Variants in WDR70 observed in about 807,000 individuals in gnomAD.
WDR70 encodes WD repeat domain 70.
Under a neutral mutation model 88.6 loss-of-function variants are expected in WDR70, and 53 were observed. The observed-to-expected ratio is 0.60, with a 90% CI of 0.48 to 0.75. The LOEUF (loss-of-function observed/expected upper bound fraction) is 0.75. Among genes scored for constraint, WDR70 ranks in the 30% least tolerant of loss-of-function variants. The pLI is 0.00. For missense variants in WDR70, 610 were observed against 823.2 expected (o/e 0.74, Z 3.17); for synonymous variants, 280 against 270.0 (o/e 1.04, Z -0.36).
intron 10 of WDR70, among the ~76,000 whole-genome samples, chr5:37,689,195 G>T (rs1672798477): frequency 6.6e-6 from 1 of 152,226 alleles, no homozygotes; most frequent in Admixed American, 6.5e-5. Context: ...GCTTGAACTG[G>T]GTGGAGCCCA....
At chr5:37,582,373 C>T (rs1323338304) in intron 9 of WDR70, among the ~76,000 whole-genome samples, 4 of 152,180 alleles carry the variant, frequency 2.6e-5, no homozygotes, top group South Asian at 2.1e-4. Flanking sequence ...GAATACTTTT[C>T]GAAGTCCCTG....
intron 5 of WDR70, among the ~76,000 whole-genome samples, chr5:37,411,744 T>G (rs556299312): frequency 1.1e-4 from 17 of 152,202 alleles, no homozygotes; most frequent in Admixed American, 5.2e-4. Flanking sequence ...AAAAACAATT[T>G]GATAGCTCTA....
chr5:37,437,454 T>C lies in WDR70; in HGVS notation c.493-468T>C, dbSNP rs376515107. On this transcript the variant is annotated intron_variant, in intron 5 of 17. Coordinates refer to ENST00000265107, the MANE Select transcript of WDR70 (RefSeq NM_018034.4). ...TTAGGAAAATCTGTAATTATTATTT[T>C]ATACATAGGTTACAATATGCTTAAA... Among the ~76,000 whole-genome samples, 122 of 152,276 alleles carry C rather than the reference T, an allele frequency of 8.0e-4. 1 individual carries two copies. In the South Asian group the frequency reaches 0.025, roughly 31 times the overall value.
rs138187280 is a variant in WDR70, at chr5:37,694,639, C to T, written c.1093-3016C>T. ...CATGTTCTCACTCATAGGTGGGAAT[C>T]GAACAATGAGAACATGTAGACACAG... On this transcript the variant is annotated intron_variant, in intron 10 of 17. Coordinates refer to ENST00000265107, the MANE Select transcript of WDR70 (RefSeq NM_018034.4). Among the ~76,000 whole-genome samples the T allele has an allele frequency of 7.9e-4, 119 of 151,496 alleles. 3 individuals carry two copies. The East Asian group carries it at 0.022, about 28-fold the overall frequency.
chr5:37,676,157 A>G lies in WDR70; in HGVS notation c.1093-21498A>G, dbSNP rs1273160293. Among the ~76,000 whole-genome samples, 15 of 151,134 alleles carry G rather than the reference A, an allele frequency of 9.9e-5. No individual in the cohort carries two copies. In the East Asian group the frequency reaches 2.9e-3, roughly 29 times the overall value. ...GGGCTGAGACAATGGGGTTTTCTAA[A>G]TATACAATCATGTCATCTGCAAACA... On this transcript the variant is annotated intron_variant, in intron 10 of 17. Coordinates refer to ENST00000265107, the MANE Select transcript of WDR70 (RefSeq NM_018034.4).
At chr5:37,616,412 T>C (rs776548530) in intron 10 of WDR70, among the ~76,000 whole-genome samples, 5 of 152,234 alleles carry the variant, frequency 3.3e-5, no homozygotes, top group Non-Finnish European at 7.4e-5. Context: ...CCAGCCTAAA[T>C]CAAAAAACTT....
At chr5:37,539,924 G>A (rs1581378437) in intron 9 of WDR70, among the ~76,000 whole-genome samples, 1 of 152,286 alleles carries the variant, frequency 6.6e-6, no homozygotes, top group East Asian at 1.9e-4. Flanking sequence ...TTAAATGGAA[G>A]GCAGATTCAC....
At chr5:37,669,046 C>T (rs1745945380) in intron 10 of WDR70, among the ~76,000 whole-genome samples, 1 of 152,092 alleles carries the variant, frequency 6.6e-6, no homozygotes, top group Admixed American at 6.5e-5. Context: ...CTCCAAAATG[C>T]CTGGTTTATA....
intron 10 of WDR70, among the ~76,000 whole-genome samples, chr5:37,649,824 G>A (rs1404063304): frequency 1.6e-5 from 2 of 126,262 alleles, no homozygotes; most frequent in Non-Finnish European, 3.1e-5. Context: ...TGCAAGCTCC[G>A]CCTCCCGGGT....
chr5:37,478,016 A>G (rs947940077), intron 7 of WDR70, among the ~76,000 whole-genome samples: 2 of 152,224 alleles, frequency 1.3e-5, no homozygotes, highest in Admixed American at 6.5e-5. Context: ...AGCTGCTTTC[A>G]GTCCTCCTTA....
At chr5:37,422,192 C>A (rs1168122079) in intron 5 of WDR70, among the ~76,000 whole-genome samples, 1 of 152,048 alleles carries the variant, frequency 6.6e-6, no homozygotes, top group South Asian at 2.1e-4. Flanking sequence ...TAACAAAATA[C>A]AAGTATTTGC....
chr5:37,586,889 C>A (rs1244032855), intron 9 of WDR70, among the ~76,000 whole-genome samples: 1 of 152,144 alleles, frequency 6.6e-6, no homozygotes, highest in South Asian at 2.1e-4. Flanking sequence ...GATTCTCCAC[C>A]TGAATGTCAC....
At chr5:37,450,460 A>ACAC (rs1554140505) in intron 7 of WDR70, among the ~76,000 whole-genome samples, 1 of 152,152 alleles carries the variant, frequency 6.6e-6, no homozygotes, top group Non-Finnish European at 1.5e-5. Flanking sequence ...GTTAACCTGA[A>ACAC]CACCAGTTCA....
At chr5:37,704,183 G>A (rs1394265268) in intron 13 of WDR70, among the ~76,000 whole-genome samples, 1 of 152,138 alleles carries the variant, frequency 6.6e-6, no homozygotes, top group Non-Finnish European at 1.5e-5. Flanking sequence ...TTTGAAATGT[G>A]CCAGCACTCA....
intron 7 of WDR70, among the ~76,000 whole-genome samples, chr5:37,470,911 C>T (rs969091487): frequency 4.0e-5 from 6 of 149,920 alleles, no homozygotes; most frequent in East Asian, 2.0e-4. Flanking sequence ...TTTTTGAGAC[C>T]GAGTCTCACT....
chr5:37,741,712 G>A (rs1313045648), intron 17 of WDR70, among the ~76,000 whole-genome samples: 1 of 152,082 alleles, frequency 6.6e-6, no homozygotes. Context: ...AACAGGCCAT[G>A]GACCAATAGC....
Position 37,594,505 on chromosome 5 carries a change from C to G in WDR70, c.918-10559C>G, listed in dbSNP as rs531104362. ...TCTGTTCTGTTCCATTGGTCTATAT[C>G]TCTGTTTTGGTACCAGTACCATGCT... On this transcript the variant is annotated intron_variant, in intron 9 of 17. Transcript: ENST00000265107. Among the ~76,000 whole-genome samples the G allele has an allele frequency of 4.4e-3, 673 of 152,154 alleles. 8 individuals carry two copies. The highest frequency in any genetic ancestry group is 0.015 in the African/African-American group (633 of 41,522).
intron 10 of WDR70, among the ~76,000 whole-genome samples, chr5:37,657,499 G>A (rs186522699): frequency 6.6e-6 from 1 of 152,262 alleles, no homozygotes; most frequent in Admixed American, 6.5e-5. Flanking sequence ...GAGTGAACTT[G>A]CTACTTACTA....
At chr5:37,671,886 G>A (rs1746035756) in intron 10 of WDR70, among the ~76,000 whole-genome samples, 1 of 152,132 alleles carries the variant, frequency 6.6e-6, no homozygotes, top group African/African-American at 2.4e-5. Context: ...TTTTTTGGGG[G>A]GGACTTTTCC....
Sources: gnomAD v4.1 joint callset for allele counts (sites outside exome capture counted in the v4.1 genomes callset) on GRCh38, gnomAD v4.1.1 for gene constraint, MANE v1.5 for transcripts, NCBI Gene and HGNC (gene_info 2026-07-23, HGNC 2026-07-21) for gene names.